The following LRRIQ3 variants were observed in gnomAD, a reference collection of about 807,000 sequenced individuals.
LRRIQ3 encodes leucine rich repeats and IQ motif containing 3, also known as leucine-rich repeat and IQ domain-containing protein 3.
In LRRIQ3, 75 loss-of-function variants were observed where a neutral mutation model predicts 59.3. That is an observed-to-expected ratio of 1.26 (90% CI 1.05 to 1.53). The LOEUF (loss-of-function observed/expected upper bound fraction) is 1.53, where lower values mean the gene tolerates loss of function less well. Among genes scored for constraint, LRRIQ3 ranks in the 40% most tolerant of loss-of-function variants. LRRIQ3 has a pLI of 0.00. For missense variants in LRRIQ3, 831 were observed against 710.0 expected, an observed-to-expected ratio of 1.17 and a Z score of -1.94; for synonymous variants, 250 against 231.3, an observed-to-expected ratio of 1.08 and a Z score of -0.73.
chr1:74,169,155 T>C (rs1557650871), intron 3 of LRRIQ3, among the ~76,000 whole-genome samples: 2 of 152,146 alleles, frequency 1.3e-5, no homozygotes, highest in Non-Finnish European at 2.9e-5. Context: ...ATGCTTCACA[T>C]AGGAGAAATC....
rs1382659656 is a variant in LRRIQ3 at position 74,061,622 on chromosome 1, A to G, written c.997+13039T>C. On this transcript the variant is annotated intron_variant, in intron 6 of 7. Coordinates refer to ENST00000354431, the MANE Select transcript of LRRIQ3 (RefSeq NM_001105659.2). ...CAACTCAAGATATATTAAATACTTAAATGTAAAACCTAAAACCATGAAAAC... is the reference window on the plus strand; with the variant it reads ...CAACTCAAGATATATTAAATACTTAGATGTAAAACCTAAAACCATGAAAAC... 2.6e-5 allele frequency among the ~76,000 whole-genome samples: 4 copies of G among 152,298 alleles called. No homozygotes were observed. The East Asian group carries it at 7.7e-4, about 29-fold the overall frequency.
At chr1:74,158,757 T>A (rs1289415451) in intron 3 of LRRIQ3, among the ~76,000 whole-genome samples, 2 of 152,156 alleles carry the variant, frequency 1.3e-5, no homozygotes, top group African/African-American at 4.8e-5. Flanking sequence ...CTGACTTAAA[T>A]AATACTCTTG....
chr1:74,071,032 TAC>T (rs1310379599), intron 6 of LRRIQ3, among the ~76,000 whole-genome samples: 268 of 119,326 alleles, frequency 2.2e-3, no homozygotes, highest in African/African-American at 7.0e-3. Context: ...TATATATATA[TAC>T]ACACACACAC....
intron 5 of LRRIQ3, among the ~76,000 whole-genome samples, chr1:74,079,885 C>T (rs1349758129): frequency 3.3e-5 from 5 of 151,700 alleles, no homozygotes; most frequent in Non-Finnish European, 4.4e-5. Flanking sequence ...GCCCCAATAA[C>T]ACATTCAACA....
At position 74,026,691 on chromosome 1, in the gene LRRIQ3, T is replaced by A; in HGVS notation, c.*122A>T. On this transcript the variant is annotated 3_prime_UTR_variant, in exon 8 of 8. Transcript: ENST00000354431. The stretch of plus-strand genomic sequence containing the variant: ...ACTAATCTTTATATTTTTAGAAGAC[T>A]TATATATAAATCCATCTTGTGATGT... The A allele has an allele frequency of 1.3e-6, 1 of 744,004 alleles. No homozygotes were observed. 46.1% of individuals were successfully genotyped at this position (744,004 alleles called of 1,614,324 possible). A position where few individuals can be genotyped will look rare whatever the true frequency, so the allele number is the denominator to read the frequency against.
intron 3 of LRRIQ3, among the ~76,000 whole-genome samples, chr1:74,165,199 T>C (rs372546240): frequency 1.3e-4 from 19 of 151,748 alleles, no homozygotes; most frequent in African/African-American, 4.6e-4. Context: ...TACAATCTTA[T>C]GGAATTTTGA....
Position 74,044,398 on chromosome 1 carries a change from T to C in LRRIQ3, c.998-2465A>G, listed in dbSNP as rs192521081. On this transcript the variant is annotated intron_variant, in intron 6 of 7. Coordinates refer to ENST00000354431, the MANE Select transcript of LRRIQ3 (RefSeq NM_001105659.2). ...CTGTTATGGTAGTTCATATGAGAGC[T>C]AGTTGTTTAAAAAAGTCTGGCACCT... 3.4e-4 allele frequency among the ~76,000 whole-genome samples: 52 copies of C among 152,214 alleles called. 1 individual carries two copies. Among genetic ancestry groups the C allele is most frequent in the Middle Eastern group, 3.4e-3 (1 of 294 alleles).
chr1:74,050,739 G>A, intron 6 of LRRIQ3, among the ~76,000 whole-genome samples: 1 of 152,166 alleles, frequency 6.6e-6, no homozygotes, highest in East Asian at 1.9e-4. Flanking sequence ...GTGAAGCAAA[G>A]AACAGGAAAA....
intron 4 of LRRIQ3, among the ~76,000 whole-genome samples, chr1:74,145,233 T>C (rs1570203344): frequency 6.6e-6 from 1 of 152,146 alleles, no homozygotes; most frequent in African/African-American, 2.4e-5. Context: ...TTTTTACTTG[T>C]CAGGGACAAT....
intron 4 of LRRIQ3, among the ~76,000 whole-genome samples, chr1:74,127,722 A>G (rs1357591142): frequency 6.6e-6 from 1 of 151,818 alleles, no homozygotes; most frequent in Non-Finnish European, 1.5e-5. Context: ...GTTATCTTCT[A>G]GGTTGTTTTT....
At chr1:74,108,114 ATATAT>A (rs1646639183) in intron 5 of LRRIQ3, among the ~76,000 whole-genome samples, 1 of 151,804 alleles carries the variant, frequency 6.6e-6, no homozygotes, top group Non-Finnish European at 1.5e-5. Context: ...TACACAAAAT[ATATAT>A]TTATACACAA....
At chr1:74,109,648 A>G (rs1646665627) in intron 4 of LRRIQ3, 95 bp from the exon 5 acceptor site, 2 of 990,152 alleles carry the variant, frequency 2.0e-6, no homozygotes, top group Non-Finnish European at 2.9e-6. Flanking sequence ...TAGAAAACAT[A>G]GTGTTAAATT....
intron 6 of LRRIQ3, among the ~76,000 whole-genome samples, chr1:74,056,949 G>A (rs1654554203): frequency 6.6e-6 from 1 of 152,082 alleles, no homozygotes; most frequent in African/African-American, 2.4e-5. Context: ...AAAAGTGGCA[G>A]TTTCCCCTGC....
chr1:74,039,592 C>A lies in LRRIQ3; in HGVS notation c.1718+1621G>T, dbSNP rs142575118. On this transcript the variant is annotated intron_variant, in intron 7 of 7. Transcript: ENST00000354431. ...ATCAGACTAACAGTGGACCTCTCAG[C>A]AGAAACTCTACAAGCCAGAAGAGAG... 3.2e-3 allele frequency among the ~76,000 whole-genome samples: 489 copies of A among 152,260 alleles called. 4 individuals are homozygous for A. The highest frequency in any genetic ancestry group is 0.011 in the African/African-American group (449 of 41,546).
At chr1:74,078,303 C>T (rs919111194) in intron 5 of LRRIQ3, among the ~76,000 whole-genome samples, 3 of 151,568 alleles carry the variant, frequency 2.0e-5, no homozygotes, top group African/African-American at 7.3e-5. Context: ...TTCTGGTCAA[C>T]GTTTATATAA....
intron 5 of LRRIQ3, among the ~76,000 whole-genome samples, chr1:74,087,865 G>A (rs1646346170): frequency 6.6e-6 from 1 of 152,034 alleles, no homozygotes; most frequent in African/African-American, 2.4e-5. Context: ...TTGGGAGGCT[G>A]AGGCAGGTGG....
chr1:74,132,445 T>C (rs1035684574), intron 4 of LRRIQ3, among the ~76,000 whole-genome samples: 2 of 152,122 alleles, frequency 1.3e-5, no homozygotes, highest in Non-Finnish European at 2.9e-5. Flanking sequence ...GGAGGCGTCG[T>C]GCTACCTGAC....
At chr1:74,173,185 T>C (rs1226359567) in intron 3 of LRRIQ3, among the ~76,000 whole-genome samples, 1 of 151,180 alleles carries the variant, frequency 6.6e-6, no homozygotes, top group East Asian at 2.0e-4. Context: ...TAGTTCCAGC[T>C]ACTTGGGAGG....
intron 3 of LRRIQ3, among the ~76,000 whole-genome samples, chr1:74,175,463 A>G (rs1419867198): frequency 6.6e-6 from 1 of 152,132 alleles, no homozygotes; most frequent in African/African-American, 2.4e-5. Flanking sequence ...AGGAAAATGA[A>G]CATTCATCTC....
Sources: gnomAD v4.1 joint callset for allele counts (sites outside exome capture counted in the v4.1 genomes callset) on GRCh38, gnomAD v4.1.1 for gene constraint, MANE v1.5 for transcripts, NCBI Gene and HGNC (gene_info 2026-07-23, HGNC 2026-07-21) for gene names.